The following VPS13B variants were observed in gnomAD, a reference collection of about 807,000 sequenced individuals.
VPS13B encodes intermembrane lipid transfer protein VPS13B.
A neutral mutation model predicts 426.4 loss-of-function variants in VPS13B; 285 were observed. That is an observed-to-expected ratio of 0.67 (90% confidence interval 0.61 to 0.74). VPS13B has a LOEUF of 0.74. Among genes scored for constraint, VPS13B ranks in the 30% least tolerant of loss-of-function variants. VPS13B has a pLI of 0.00. For synonymous variants in VPS13B, 1,676 were observed against 1,676.4 expected (o/e 1.00, Z 0.01); for missense variants, 4,537 against 4,782.6 (o/e 0.95, Z 1.51).
chr8:99,666,868 TG>T (rs1830508801), intron 35 of VPS13B, among the ~76,000 whole-genome samples: 2 of 152,168 alleles, frequency 1.3e-5, no homozygotes, highest in Admixed American at 1.3e-4. Context: ...GAAGTCAAAT[TG>T]TCCCTGTTTG....
intron 3 of VPS13B, 65 bp from the exon 4 acceptor site, chr8:99,096,247 A>AT: frequency 1.3e-6 from 2 of 1,586,590 alleles, no homozygotes; most frequent in South Asian, 2.3e-5. Flanking sequence ...ATATTAAAAA[A>AT]TTTTTTTTCT....
intron 21 of VPS13B, among the ~76,000 whole-genome samples, chr8:99,422,398 A>T (rs190043790): frequency 2.3e-4 from 35 of 152,248 alleles, no homozygotes; most frequent in Middle Eastern, 3.4e-3. Flanking sequence ...AATAGTGCCC[A>T]TACTGCTTGG....
chr8:99,733,784 C>A (rs1754932431), intron 39 of VPS13B, among the ~76,000 whole-genome samples: 2 of 152,084 alleles, frequency 1.3e-5, no homozygotes, highest in African/African-American at 2.4e-5. Flanking sequence ...TGTTTTCTAG[C>A]AACATTTTTA....
chr8:99,508,800 T>C (rs1821636543), intron 28 of VPS13B, among the ~76,000 whole-genome samples: 2 of 152,098 alleles, frequency 1.3e-5, no homozygotes, highest in African/African-American at 2.4e-5. Context: ...TAACATTTTA[T>C]TTTAAATAGT....
intron 17 of VPS13B, among the ~76,000 whole-genome samples, chr8:99,273,082 A>T (rs1249350120): frequency 6.6e-6 from 1 of 151,858 alleles, no homozygotes; most frequent in Non-Finnish European, 1.5e-5. Flanking sequence ...TGGATAAGGG[A>T]TCCTCAACCT....
At chr8:99,286,558 G>T (rs971642862) in intron 19 of VPS13B, among the ~76,000 whole-genome samples, 8 of 152,094 alleles carry the variant, frequency 5.3e-5, no homozygotes, top group Non-Finnish European at 1.0e-4. Context: ...GACAGAATTT[G>T]CGTACCTTCA....
chr8:99,105,161 C>T (rs1330336530), intron 5 of VPS13B, among the ~76,000 whole-genome samples: 2 of 152,048 alleles, frequency 1.3e-5, no homozygotes, highest in Non-Finnish European at 2.9e-5. Context: ...GGAGAGTAGT[C>T]CTGATTTTAC....
At chr8:99,274,397 A>G in intron 18 of VPS13B, 65 bp downstream of exon 18, 1 of 1,610,726 alleles carries the variant, frequency 6.2e-7, no homozygotes, top group Non-Finnish European at 8.5e-7. Flanking sequence ...TGCGTTTTAC[A>G]AGGAGCGTTA....
At chr8:99,793,919 G>A (rs901767723) in intron 43 of VPS13B, among the ~76,000 whole-genome samples, 1 of 152,182 alleles carries the variant, frequency 6.6e-6, no homozygotes, top group African/African-American at 2.4e-5. Flanking sequence ...TTAAGAGACT[G>A]TTGTAAATAT....
intron 19 of VPS13B, among the ~76,000 whole-genome samples, chr8:99,303,168 T>C (rs1023774390): frequency 6.9e-6 from 1 of 145,246 alleles, no homozygotes; most frequent in African/African-American, 2.6e-5. Flanking sequence ...TAATCCCAGC[T>C]ACTTGGGAGG....
chr8:99,834,632 G>A (rs1815279222), intron 52 of VPS13B, among the ~76,000 whole-genome samples: 1 of 152,056 alleles, frequency 6.6e-6, no homozygotes, highest in Non-Finnish European at 1.5e-5. Flanking sequence ...AACCTCCCAG[G>A]CTTAAGCCAA....
At chr8:99,311,182 T>A (rs1820953100) in intron 19 of VPS13B, among the ~76,000 whole-genome samples, 1 of 152,188 alleles carries the variant, frequency 6.6e-6, no homozygotes, top group Admixed American at 6.5e-5. Context: ...AGTTCTGCTC[T>A]GATTTTAGTT....
intron 19 of VPS13B, among the ~76,000 whole-genome samples, chr8:99,329,987 T>C (rs989300100): frequency 6.6e-6 from 1 of 151,974 alleles, no homozygotes; most frequent in African/African-American, 2.4e-5. Flanking sequence ...CAGACAGTGC[T>C]ATATTTCCTA....
At chr8:99,854,352 T>G in intron 56 of VPS13B, 96 bp downstream of exon 56, 1 of 1,383,972 alleles carries the variant, frequency 7.2e-7, no homozygotes, top group Non-Finnish European at 9.9e-7. Context: ...AAAGAAGCAA[T>G]TGGCAAGAGG....
At chr8:99,861,355 G>A (rs1272385252) in intron 57 of VPS13B, among the ~76,000 whole-genome samples, 1 of 152,200 alleles carries the variant, frequency 6.6e-6, no homozygotes, top group Non-Finnish European at 1.5e-5. Flanking sequence ...AGGCTGGAGT[G>A]CAGTGGTGCA....
intron 21 of VPS13B, among the ~76,000 whole-genome samples, chr8:99,429,081 G>T (rs937407152): frequency 6.6e-6 from 1 of 152,134 alleles, no homozygotes; most frequent in South Asian, 2.1e-4. Flanking sequence ...ATTGAACAAT[G>T]AGAACACATG....
At position 99,372,328 on chromosome 8, in the gene VPS13B, A is replaced by T. The variant is rs1309831253; in HGVS notation, c.2825-11880A>T. 2.7e-4 allele frequency among the ~76,000 whole-genome samples: 41 copies of T among 152,184 alleles called. 3 individuals carry two copies. Among genetic ancestry groups the T allele is most frequent in the Admixed American group, 2.7e-3 (41 of 15,284 alleles). On this transcript the variant is annotated intron_variant, in intron 19 of 61. Coordinates refer to ENST00000357162, the MANE Select transcript of VPS13B (RefSeq NM_152564.5). ...TCAACAAATGGGATCTAATCAAACT[A>T]AAGAACTTCTGCACAGCAAAAGAAA... is the stretch of plus-strand genomic sequence containing the variant.
At chr8:99,084,294 G>A (rs1845646513) in intron 3 of VPS13B, among the ~76,000 whole-genome samples, 1 of 152,086 alleles carries the variant, frequency 6.6e-6, no homozygotes, top group Non-Finnish European at 1.5e-5. Context: ...GGGATTGGTG[G>A]TGATATCCCC....
chr8:99,592,752 T>A (rs897100550), intron 33 of VPS13B, among the ~76,000 whole-genome samples: 4 of 151,904 alleles, frequency 2.6e-5, no homozygotes, highest in Non-Finnish European at 5.9e-5. Flanking sequence ...AACTGAGAAA[T>A]AAGACTGCAC....
Sources: allele counts gnomAD v4.1 joint callset (sites outside exome capture counted in the v4.1 genomes callset), GRCh38; gene constraint gnomAD v4.1.1; transcripts MANE v1.5; gene names NCBI Gene and HGNC (gene_info 2026-07-23, HGNC 2026-07-21).